STX8: variants seen among roughly 807,000 people sequenced by gnomAD.
STX8 encodes the protein syntaxin 8, also known as syntaxin-8.
In STX8, 23 loss-of-function variants were observed where a neutral mutation model predicts 37.5. That is an observed-to-expected ratio of 0.61 (90% confidence interval 0.44 to 0.87). The LOEUF (loss-of-function observed/expected upper bound fraction) is 0.87. STX8 is among the 40% of genes least tolerant of loss of function. The probability of loss-of-function intolerance (pLI) is 0.00; values close to 1 mark genes in which losing one functional copy is unlikely to be tolerated. For missense variants in STX8, 313 were observed against 284.7 expected, an observed-to-expected ratio of 1.10 and a Z score of -0.71; for synonymous variants, 115 against 99.1, an observed-to-expected ratio of 1.16 and a Z score of -0.95.
chr17:9,574,123 T>C (rs1032962508), intron 1 of STX8, among the ~76,000 whole-genome samples: 7 of 151,722 alleles, frequency 4.6e-5, no homozygotes, highest in Admixed American at 2.6e-4. Flanking sequence ...TACAAAAAAT[T>C]AGCTGGGCGT....
chr17:9,310,461 C>T (rs1232765671), intron 7 of STX8, among the ~76,000 whole-genome samples: 1 of 152,124 alleles, frequency 6.6e-6, no homozygotes, highest in Non-Finnish European at 1.5e-5. Context: ...CAGTCTTGCC[C>T]CCACCTGTCT....
chr17:9,460,339 A>G (rs1482435250), intron 6 of STX8, among the ~76,000 whole-genome samples: 1 of 152,184 alleles, frequency 6.6e-6, no homozygotes, highest in Non-Finnish European at 1.5e-5. Context: ...GGAGGTAGAT[A>G]AGCACAGTCA....
intron 6 of STX8, among the ~76,000 whole-genome samples, chr17:9,410,382 A>C (rs1912940340): frequency 6.6e-6 from 1 of 152,226 alleles, no homozygotes; most frequent in Admixed American, 6.5e-5. Flanking sequence ...AACATTCATT[A>C]TCTAATAGAG....
chr17:9,493,100 A>T (rs1196928737), intron 5 of STX8, among the ~76,000 whole-genome samples: 1 of 149,780 alleles, frequency 6.7e-6, no homozygotes, highest in African/African-American at 2.5e-5. Flanking sequence ...TCCGTCTCAA[A>T]AAAAAAAAAA....
At chr17:9,282,253 C>A (rs1010954673) in intron 7 of STX8, among the ~76,000 whole-genome samples, 1 of 152,110 alleles carries the variant, frequency 6.6e-6, no homozygotes, top group African/African-American at 2.4e-5. Flanking sequence ...CTGCCTCAGC[C>A]CCCCGAGGAG....
At chr17:9,423,083 TA>T (rs1913501759) in intron 6 of STX8, among the ~76,000 whole-genome samples, 1 of 152,214 alleles carries the variant, frequency 6.6e-6, no homozygotes, top group Non-Finnish European at 1.5e-5. Context: ...CCTTAAAAAA[TA>T]ACCCATAAAT....
intron 6 of STX8, 83 bp from the exon 7 acceptor site, chr17:9,378,736 G>A: frequency 9.5e-7 from 1 of 1,048,890 alleles, no homozygotes; most frequent in South Asian, 1.3e-5. Flanking sequence ...GTTCATCCTA[G>A]CAATAATGAT....
chr17:9,421,392 CAAA>C (rs1555525649), intron 6 of STX8, among the ~76,000 whole-genome samples: 6 of 56,772 alleles, frequency 1.1e-4, no homozygotes, highest in African/African-American at 2.0e-4. Context: ...AACTCCATCT[CAAA>C]AAAAAAAAAA....
At chr17:9,572,959 T>C (rs553715424) in intron 1 of STX8, among the ~76,000 whole-genome samples, 18 of 152,310 alleles carry the variant, frequency 1.2e-4, no homozygotes, top group South Asian at 8.3e-4. Context: ...GGCCTGTCCC[T>C]TATCTTTGAC....
At chr17:9,541,242 A>C (rs1243962951) in intron 4 of STX8, among the ~76,000 whole-genome samples, 1 of 151,268 alleles carries the variant, frequency 6.6e-6, no homozygotes, top group African/African-American at 2.4e-5. Context: ...CACTAATAAG[A>C]CAATAGGCAG....
At chr17:9,280,297 C>T (rs570876198) in intron 7 of STX8, among the ~76,000 whole-genome samples, 41 of 152,328 alleles carry the variant, frequency 2.7e-4, no homozygotes, top group Middle Eastern at 3.4e-3. Flanking sequence ...CAGTGGCTCA[C>T]GCCTGTAATC....
chr17:9,360,061 C>T (rs1003001709), intron 7 of STX8, among the ~76,000 whole-genome samples: 2 of 151,788 alleles, frequency 1.3e-5, no homozygotes, highest in African/African-American at 4.8e-5. Flanking sequence ...GCCTGACATA[C>T]GGAACAGGAT....
intron 6 of STX8, among the ~76,000 whole-genome samples, chr17:9,410,813 A>G (rs1406811371): frequency 6.6e-6 from 1 of 152,236 alleles, no homozygotes; most frequent in Non-Finnish European, 1.5e-5. Context: ...AAATGTTTAA[A>G]AACATTATCA....
chr17:9,471,934 T>C (rs1905882631), intron 6 of STX8, among the ~76,000 whole-genome samples: 1 of 152,186 alleles, frequency 6.6e-6, no homozygotes, highest in African/African-American at 2.4e-5. Context: ...AGTAATTATG[T>C]TCCATAAAGT....
intron 7 of STX8, among the ~76,000 whole-genome samples, chr17:9,354,445 C>T (rs897644784): frequency 6.6e-6 from 1 of 151,558 alleles, no homozygotes; most frequent in Non-Finnish European, 1.5e-5. Flanking sequence ...CCTCGGCTTC[C>T]CGAGTGGTTG....
intron 7 of STX8, among the ~76,000 whole-genome samples, chr17:9,376,631 C>T (rs1911597315): frequency 6.6e-6 from 1 of 152,208 alleles, no homozygotes; most frequent in African/African-American, 2.4e-5. Context: ...CTGCTGCTCA[C>T]TCTTTCGGTC....
intron 5 of STX8, among the ~76,000 whole-genome samples, chr17:9,497,125 A>G (rs1904433963): frequency 6.6e-6 from 1 of 152,238 alleles, no homozygotes; most frequent in Admixed American, 6.5e-5. Context: ...GTGGGAAACT[A>G]AAGGGCAAAT....
In STX8 at chr17:9,274,733, T is replaced by C. The variant is rs1233010886; in HGVS notation, c.644-24088A>G. Among the ~76,000 whole-genome samples the C allele has an allele frequency of 2.2e-5, 3 of 133,796 alleles. 1 individual carries two copies. The highest frequency in any genetic ancestry group is 4.8e-5 in the Non-Finnish European group (3 of 62,732). The allele number at this position is 133,796 out of a possible 152,430, so 87.8% of individuals were successfully genotyped here. On this transcript the variant is annotated intron_variant, in intron 7 of 7. Transcript: ENST00000306357. ...TAATAATAAACAAAGTCTTCAAAAA[T>C]ACAACAATTTCTTTTTTCTTTTTTT...
intron 4 of STX8, among the ~76,000 whole-genome samples, chr17:9,540,365 T>C (rs181677182): frequency 1.3e-5 from 2 of 152,312 alleles, no homozygotes; most frequent in East Asian, 3.9e-4. Flanking sequence ...TTTTGTCTAG[T>C]ATGAATTTTC....
Sources: allele counts gnomAD v4.1 joint callset (sites outside exome capture counted in the v4.1 genomes callset), GRCh38; gene constraint gnomAD v4.1.1; transcripts MANE v1.5; gene names NCBI Gene and HGNC (gene_info 2026-07-23, HGNC 2026-07-21).